The following SUPT3H variants were observed in gnomAD, a reference collection of about 807,000 sequenced individuals.
The protein encoded by SUPT3H is SPT3 homolog, SAGA and STAGA complex component.
In SUPT3H, 44 loss-of-function variants were observed where a neutral mutation model predicts 44.3. That is an observed-to-expected ratio of 0.99 (90% CI 0.78 to 1.28). The LOEUF (loss-of-function observed/expected upper bound fraction) is 1.28, where lower values mean the gene tolerates loss of function less well. SUPT3H is among the 50% of genes most tolerant of loss of function. The pLI, the probability that SUPT3H is intolerant of heterozygous loss-of-function variation, is 0.00. For synonymous variants in SUPT3H, 124 were observed against 125.6 expected, an observed-to-expected ratio of 0.99 and a Z score of 0.09; for missense variants, 380 against 387.1, an observed-to-expected ratio of 0.98 and a Z score of 0.15.
intron 5 of SUPT3H, among the ~76,000 whole-genome samples, chr6:45,012,554 A>C (rs1445294247): frequency 3.3e-5 from 5 of 151,994 alleles, no homozygotes; most frequent in Non-Finnish European, 7.4e-5. Flanking sequence ...CGCTATTATC[A>C]TATCTTCCTT....
At chr6:45,046,572 C>G (rs776205717) in intron 3 of SUPT3H, among the ~76,000 whole-genome samples, 2 of 152,190 alleles carry the variant, frequency 1.3e-5, no homozygotes, top group Admixed American at 1.3e-4. Context: ...CTCAAGTAAT[C>G]CACCCACCTC....
chr6:45,248,259 A>G lies in SUPT3H; in HGVS notation c.101+116942T>C, dbSNP rs572136894. Among the ~76,000 whole-genome samples, 132 of 152,242 alleles carry G rather than the reference A, an allele frequency of 8.7e-4. 1 individual carries two copies. The highest frequency in any genetic ancestry group is 3.1e-3 in the African/African-American group (127 of 41,554). On this transcript the variant is annotated intron_variant, in intron 2 of 10. Coordinates refer to ENST00000371459, the MANE Select transcript of SUPT3H (RefSeq NM_003599.4). ...ACCAATTGAATTTCATAAAAATTAA[A>G]AGCTTTTGCTCTGCCAAAGATGCTG...
intron 9 of SUPT3H, among the ~76,000 whole-genome samples, chr6:44,933,374 G>C (rs1212876307): frequency 6.6e-6 from 1 of 152,092 alleles, no homozygotes; most frequent in Non-Finnish European, 1.5e-5. Context: ...ATACAAAAAA[G>C]ATAAGGATTA....
chr6:45,030,157 C>T (rs1041478670), intron 3 of SUPT3H, among the ~76,000 whole-genome samples: 20 of 152,052 alleles, frequency 1.3e-4, no homozygotes, highest in African/African-American at 2.2e-4. Context: ...AATTGCAGAA[C>T]GACAGAAGCG....
chr6:44,993,137 T>TG (rs1780819203), intron 6 of SUPT3H, among the ~76,000 whole-genome samples: 1 of 152,102 alleles, frequency 6.6e-6, no homozygotes, highest in African/African-American at 2.4e-5. Context: ...CATTTCAGCC[T>TG]GGGGAACAGA....
At chr6:45,023,940 C>G (rs1273794618) in intron 3 of SUPT3H, among the ~76,000 whole-genome samples, 1 of 152,068 alleles carries the variant, frequency 6.6e-6, no homozygotes, top group Non-Finnish European at 1.5e-5. Context: ...AAACAAAAAA[C>G]AGGTGAGCAA....
At chr6:45,056,079 TCAA>T (rs1203433993) in intron 3 of SUPT3H, among the ~76,000 whole-genome samples, 2 of 152,072 alleles carry the variant, frequency 1.3e-5, no homozygotes, top group Non-Finnish European at 2.9e-5. Flanking sequence ...AAAAAAATGT[TCAA>T]CATCACTAAT....
Position 45,162,917 on chromosome 6 carries a change from A to G in SUPT3H, c.102-56911T>C, listed in dbSNP as rs145887852. Among the ~76,000 whole-genome samples the G allele has an allele frequency of 8.5e-4, 130 of 152,300 alleles. 1 individual carries two copies. Among genetic ancestry groups the G allele is most frequent in the African/African-American group, 3.0e-3 (125 of 41,570 alleles). ...TATTTGATCACTCAAGAAGTTAAAG[A>G]CTAGAGTATATTCCAAAGACTGTCT... On this transcript the variant is annotated intron_variant, in intron 2 of 10. Coordinates refer to ENST00000371459, the MANE Select transcript of SUPT3H (RefSeq NM_003599.4).
chr6:45,086,361 A>C (rs1796475654), intron 3 of SUPT3H, among the ~76,000 whole-genome samples: 1 of 152,052 alleles, frequency 6.6e-6, no homozygotes, highest in African/African-American at 2.4e-5. Context: ...GGGCATTAAA[A>C]TCATCCTTAG....
intron 2 of SUPT3H, among the ~76,000 whole-genome samples, chr6:45,226,948 G>A (rs949769185): frequency 4.0e-5 from 6 of 151,840 alleles, no homozygotes; most frequent in African/African-American, 1.5e-4. Context: ...AGTGAGCTAC[G>A]ATCATGCCAC....
At chr6:45,018,558 G>GA (rs1310599168) in intron 4 of SUPT3H, among the ~76,000 whole-genome samples, 1 of 152,084 alleles carries the variant, frequency 6.6e-6, no homozygotes, top group African/African-American at 2.4e-5. Flanking sequence ...TAGCATGAAG[G>GA]GTTGTTGAAT....
At chr6:45,292,178 C>T (rs1780414961) in intron 2 of SUPT3H, among the ~76,000 whole-genome samples, 2 of 152,042 alleles carry the variant, frequency 1.3e-5, no homozygotes, top group Admixed American at 1.3e-4. Flanking sequence ...ATTTTGTATC[C>T]AGTGAAACTA....
intron 2 of SUPT3H, among the ~76,000 whole-genome samples, chr6:45,277,882 T>C (rs1410797933): frequency 6.6e-6 from 1 of 152,158 alleles, no homozygotes; most frequent in Non-Finnish European, 1.5e-5. Flanking sequence ...TAAATGTCAT[T>C]TCAAAAGAAT....
chr6:45,291,246 G>C (rs1387164642), intron 2 of SUPT3H, among the ~76,000 whole-genome samples: 1 of 152,160 alleles, frequency 6.6e-6, no homozygotes, highest in African/African-American at 2.4e-5. Context: ...GGAAAAGGGG[G>C]AGAGTACTAC....
At chr6:44,882,547 C>A (rs569946725) in intron 10 of SUPT3H, among the ~76,000 whole-genome samples, 23 of 152,184 alleles carry the variant, frequency 1.5e-4, no homozygotes, top group African/African-American at 5.6e-4. Flanking sequence ...AGGCCAGCAT[C>A]ATCCTGATAC....
chr6:44,913,340 C>CA (rs1562032626), intron 10 of SUPT3H, among the ~76,000 whole-genome samples: 1 of 151,764 alleles, frequency 6.6e-6, no homozygotes, highest in Non-Finnish European at 1.5e-5. Flanking sequence ...ATAATTAAAA[C>CA]AAAAAAAGAT....
At chr6:44,928,886 A>ATAAAAT (rs1474494728) in intron 10 of SUPT3H, among the ~76,000 whole-genome samples, 1 of 122,654 alleles carries the variant, frequency 8.2e-6, no homozygotes, top group Non-Finnish European at 1.7e-5. Context: ...CCGTCTCAAA[A>ATAAAAT]AAAAAAAAAA....
chr6:45,300,724 T>C (rs2149921849), intron 2 of SUPT3H, among the ~76,000 whole-genome samples: 1 of 152,332 alleles, frequency 6.6e-6, no homozygotes, highest in African/African-American at 2.4e-5. Context: ...AATTGTATAC[T>C]TTAAAATGGT....
intron 10 of SUPT3H, among the ~76,000 whole-genome samples, chr6:44,924,722 A>T (rs548544983): frequency 1.3e-5 from 2 of 152,222 alleles, no homozygotes; most frequent in East Asian, 1.9e-4. Context: ...CTTATATGAT[A>T]AATATGCTAC....
Sources: allele counts gnomAD v4.1 joint callset (sites outside exome capture counted in the v4.1 genomes callset), GRCh38; gene constraint gnomAD v4.1.1; transcripts MANE v1.5; gene names NCBI Gene and HGNC (gene_info 2026-07-23, HGNC 2026-07-21).